FAM167A: variants seen among roughly 807,000 people sequenced by gnomAD.
FAM167A encodes family with sequence similarity 167 member A, also known as protein FAM167A.
A neutral mutation model predicts 14.9 loss-of-function variants in FAM167A; 23 were observed. That is an observed-to-expected ratio of 1.55 (90% confidence interval 1.11 to 2.19). The LOEUF (loss-of-function observed/expected upper bound fraction) is 2.19, where lower values mean the gene tolerates loss of function less well. FAM167A is among the 30% of genes most tolerant of loss of function. The pLI is 0.00. For missense variants in FAM167A, 401 were observed against 281.5 expected (o/e 1.42, Z -3.04); for synonymous variants, 174 against 117.7 (o/e 1.48, Z -3.10).
intron 1 of FAM167A, among the ~76,000 whole-genome samples, chr8:11,451,076 C>G (rs947368104): frequency 6.6e-6 from 1 of 152,248 alleles, no homozygotes; most frequent in Non-Finnish European, 1.5e-5. Flanking sequence ...AAAGTGCATC[C>G]CCCTTTCCCA....
intron 1 of FAM167A, among the ~76,000 whole-genome samples, chr8:11,465,869 C>T (rs1353486160): frequency 6.6e-6 from 1 of 152,220 alleles, no homozygotes; most frequent in Non-Finnish European, 1.5e-5. Flanking sequence ...TGGCCAGCCC[C>T]CAACCTAGAG....
intron 1 of FAM167A, among the ~76,000 whole-genome samples, chr8:11,472,870 C>T (rs1808003221): frequency 6.6e-6 from 1 of 152,254 alleles, no homozygotes; most frequent in African/African-American, 2.4e-5. Context: ...TGAATAGACT[C>T]TATCCTGCTG....
chr8:11,446,386 G>A (rs1478168395), intron 1 of FAM167A: 1 of 151,466 alleles, frequency 6.6e-6, no homozygotes, highest in Non-Finnish European at 1.5e-5. Flanking sequence ...CTGGTAAGCA[G>A]AGAAACCCGC....
intron 1 of FAM167A, among the ~76,000 whole-genome samples, chr8:11,452,096 G>C (rs903510851): frequency 6.6e-6 from 1 of 152,172 alleles, no homozygotes; most frequent in South Asian, 2.1e-4. Context: ...CTTGGTGGTG[G>C]GGGGCAGGGA....
At chr8:11,437,045 G>C (rs1459824853) in intron 2 of FAM167A, among the ~76,000 whole-genome samples, 1 of 152,158 alleles carries the variant, frequency 6.6e-6, no homozygotes, top group African/African-American at 2.4e-5. Context: ...AGGCTGTTTT[G>C]TTCTCCAAAG....
upstream of FAM167A, among the ~76,000 whole-genome samples, chr8:11,472,128 TC>T (rs1459130534): frequency 6.6e-6 from 1 of 152,240 alleles, no homozygotes; most frequent in African/African-American, 2.4e-5. Flanking sequence ...CTTTGTGCAT[TC>T]ACTTTGGGCC....
chr8:11,439,884 G>A (rs1393569883), intron 2 of FAM167A, among the ~76,000 whole-genome samples: 4 of 152,170 alleles, frequency 2.6e-5, no homozygotes, highest in Non-Finnish European at 4.4e-5. Context: ...TGAGTGCCCA[G>A]GGCCCCATCC....
Position 11,444,414 on chromosome 8 carries a change from TAC to T in FAM167A, c.-5_-4del, listed in dbSNP as rs777271654. ...ACGTGGATCTGGGGCACAGACATTC[TAC>T]AGTCTGCCCTGGCAGCCGGACATGC... On this transcript the variant is annotated 5_prime_UTR_variant, in exon 2 of 3. It removes the in-frame stop codon of an upstream open reading frame in the 5' UTR. Coordinates refer to ENST00000284486, the MANE Select transcript of FAM167A (RefSeq NM_053279.3). The T allele has an allele frequency of 2.6e-6, 4 of 1,533,802 alleles. No individual in the cohort carries two copies. The South Asian group carries it at 5.0e-5, about 19-fold the overall frequency.
intron 1 of FAM167A, among the ~76,000 whole-genome samples, chr8:11,458,399 G>C (rs1250641275): frequency 6.6e-6 from 1 of 152,154 alleles, no homozygotes; most frequent in African/African-American, 2.4e-5. Context: ...TCACATTTCT[G>C]ATGTGCCTCT....
chr8:11,463,112 C>T (rs115221989), intron 1 of FAM167A, among the ~76,000 whole-genome samples: 5 of 152,144 alleles, frequency 3.3e-5, no homozygotes, highest in African/African-American at 1.2e-4. Flanking sequence ...AAAATGTGTA[C>T]GTCTGGCAGA....
intron 1 of FAM167A, among the ~76,000 whole-genome samples, chr8:11,458,601 T>C (rs916396840): frequency 4.5e-4 from 68 of 152,236 alleles, no homozygotes; most frequent in African/African-American, 1.6e-3. Context: ...CCTGGGGATG[T>C]GCAATGGGCC....
chr8:11,459,569 C>T (rs996740071), intron 1 of FAM167A, among the ~76,000 whole-genome samples: 2 of 152,218 alleles, frequency 1.3e-5, no homozygotes, highest in African/African-American at 4.8e-5. Context: ...GCAGGAGGGC[C>T]TCTTTCCGGG....
intron 1 of FAM167A, among the ~76,000 whole-genome samples, chr8:11,459,900 G>T (rs949789895): frequency 6.6e-6 from 1 of 152,168 alleles, no homozygotes; most frequent in Non-Finnish European, 1.5e-5. Flanking sequence ...GCTAATTTTT[G>T]TATTTTTAGT....
Position 11,430,436 on chromosome 8 carries a change from C to T in FAM167A, c.382-5800G>A, listed in dbSNP as rs185541600. Among the ~76,000 whole-genome samples the T allele has an allele frequency of 9.2e-5, 14 of 152,316 alleles. No homozygotes were observed. In the East Asian group the frequency reaches 2.3e-3, roughly 25 times the overall value. On this transcript the variant is annotated intron_variant, in intron 2 of 2. Coordinates refer to ENST00000284486, the MANE Select transcript of FAM167A (RefSeq NM_053279.3). ...AGAATGCTCGTTAAGATGTGAGCCACTGCACCTGGGTGAAGTGTTGAAATG... is the reference window on the plus strand; with the variant it reads ...AGAATGCTCGTTAAGATGTGAGCCATTGCACCTGGGTGAAGTGTTGAAATG...
upstream of FAM167A, among the ~76,000 whole-genome samples, chr8:11,470,999 C>T (rs568441593): frequency 2.6e-4 from 40 of 152,284 alleles, no homozygotes; most frequent in South Asian, 7.7e-3. Flanking sequence ...CATTTAGGGG[C>T]GGCTGGCTCT....
intron 2 of FAM167A, among the ~76,000 whole-genome samples, chr8:11,425,957 T>A (rs1177659262): frequency 6.6e-6 from 1 of 152,180 alleles, no homozygotes; most frequent in East Asian, 1.9e-4. Flanking sequence ...TCTAGGCCTT[T>A]CCAAGATCTA....
chr8:11,445,223 G>A (rs1806710214), intron 1 of FAM167A: 4 of 985,236 alleles, frequency 4.1e-6, no homozygotes, highest in South Asian at 4.7e-5. Flanking sequence ...TCCTCTCTGT[G>A]GCAACAGCCG....
intron 1 of FAM167A, chr8:11,446,324 C>A (rs1359138141): frequency 6.6e-6 from 1 of 152,302 alleles, no homozygotes; most frequent in Non-Finnish European, 1.5e-5. Context: ...GGCTACGAGC[C>A]TGCCCTAGCA....
chr8:11,455,170 T>C (rs1428108461), intron 1 of FAM167A, among the ~76,000 whole-genome samples: 3 of 106,310 alleles, frequency 2.8e-5, no homozygotes, highest in South Asian at 3.1e-4. Context: ...GGTGGGGTTG[T>C]TGCCTTGCTG....
Sources: gnomAD v4.1 joint callset for allele counts (sites outside exome capture counted in the v4.1 genomes callset) on GRCh38, gnomAD v4.1.1 for gene constraint, MANE v1.5 for transcripts, NCBI Gene and HGNC (gene_info 2026-07-23, HGNC 2026-07-21) for gene names.